KATNB1: variants seen among roughly 807,000 people sequenced by gnomAD.
KATNB1 encodes the protein katanin p80 WD40 repeat-containing subunit B1.
Under a neutral mutation model 82.3 loss-of-function variants are expected in KATNB1, and 38 were observed. The ratio of observed to expected loss-of-function variants is 0.46; its 90% CI spans 0.36 to 0.61. KATNB1 has a LOEUF of 0.61. Ranked by LOEUF, KATNB1 falls within the 20% of genes least tolerant of loss-of-function variation. The probability of loss-of-function intolerance (pLI) is 0.00; values close to 1 mark genes in which losing one functional copy is unlikely to be tolerated. For synonymous variants in KATNB1, 361 were observed against 368.7 expected (o/e 0.98, Z 0.24); for missense variants, 749 against 915.7 (o/e 0.82, Z 2.35).
chr16:57,751,874 G>T lies in KATNB1; in HGVS notation c.517-66G>T. 3 of 1,440,328 alleles carry T rather than the reference G, an allele frequency of 2.1e-6. No individual in the cohort carries two copies. The South Asian group carries it at 3.5e-5, about 17-fold the overall frequency. The allele number at this position is 1,440,328 out of a possible 1,614,324, so 89.2% of individuals were successfully genotyped here. A position where few individuals can be genotyped will look rare whatever the true frequency, so the allele number is the denominator to read the frequency against. ...GCTTGTGGATAAAGAGCTTGGCCTGGATTAGAGGGAGGGTGGGCAGCCAAG... is the reference window on the plus strand; with the variant it reads ...GCTTGTGGATAAAGAGCTTGGCCTGTATTAGAGGGAGGGTGGGCAGCCAAG... On this transcript the variant is annotated intron_variant, in intron 7 of 19. Coordinates refer to ENST00000379661, the MANE Select transcript of KATNB1 (RefSeq NM_005886.3). The surrounding 1 kb of genome is among the most constrained non-coding windows in gnomAD (Gnocchi z 6.3).
chr16:57,756,252 G>A (rs2049277283), intron 18 of KATNB1, 104 bp from the exon 19 acceptor site: 3 of 1,140,906 alleles, frequency 2.6e-6, no homozygotes, highest in Admixed American at 1.7e-5. Flanking sequence ...ATGTGTGGGT[G>A]TGTCTGTGTC....
chr16:57,742,701 C>T (rs2049151763), intron 3 of KATNB1, among the ~76,000 whole-genome samples: 1 of 152,218 alleles, frequency 6.6e-6, no homozygotes, highest in Admixed American at 6.5e-5. Context: ...CCGTAATTAG[C>T]TTAGCCACAC....
At position 57,756,902 on chromosome 16, in the gene KATNB1, A is replaced by G; in HGVS notation, c.1924A>G (p.Ser642Gly). The G allele has an allele frequency of 6.4e-7, 1 of 1,552,620 alleles. No homozygotes were observed. The highest frequency in any genetic ancestry group is 2.4e-5 in the East Asian group (1 of 41,156). The part of the protein sequence containing the change: ...SKSGLSGRHG[S>G]TFRELHLLMA... Reference sequence around the variant, plus strand: ...GTCAGGCCTGAGCGGCCGCCATGGCAGTACCTTCCGCGAGCTGCACCTGCT... The same window carrying G: ...GTCAGGCCTGAGCGGCCGCCATGGCGGTACCTTCCGCGAGCTGCACCTGCT... Residue 642 changes from serine to glycine, a missense_variant, in exon 20 of 20, where the codon AGT becomes GGT. Around this residue, in one of 3 missense-constraint regions of KATNB1, gnomAD observed 95 missense variants for 131.6 expected, o/e 0.72. Coordinates refer to ENST00000379661, the MANE Select transcript of KATNB1 (RefSeq NM_005886.3).
At chr16:57,741,968 G>A (rs568122850) in intron 3 of KATNB1, 151 bp downstream of exon 3, 30 of 908,208 alleles carry the variant, frequency 3.3e-5, no homozygotes, top group Admixed American at 8.6e-5. Context: ...TGGAGGGGGC[G>A]TGGTGGGGAC....
At chr16:57,738,865 TG>T (rs1396645322) in intron 2 of KATNB1, among the ~76,000 whole-genome samples, 1 of 148,792 alleles carries the variant, frequency 6.7e-6, no homozygotes, top group Non-Finnish European at 1.5e-5. Flanking sequence ...GCTCAGAGCC[TG>T]GGGAGAGCAA....
At position 57,751,517 on chromosome 16, in the gene KATNB1, C is replaced by T; in HGVS notation, c.433-124C>T. The T allele has an allele frequency of 1.9e-6, 2 of 1,048,250 alleles. No individual in the cohort carries two copies. The highest frequency in any genetic ancestry group is 2.9e-6 in the Non-Finnish European group (2 of 686,000). The allele number at this position is 1,048,250 out of a possible 1,614,324, so 64.9% of individuals were successfully genotyped here. ...CTAGAGCCACGTTCATCAAACTGCT[C>T]CAAGCAGAACCAGGCGGGTAACCAG... is the stretch of plus-strand genomic sequence containing the variant. On this transcript the variant is annotated intron_variant, in intron 6 of 19. Transcript: ENST00000379661. This position sits in a 1 kb window ranked among gnomAD's most constrained non-coding sequence, Gnocchi z 6.3.
Position 57,753,377 on chromosome 16 carries a change from T to C in KATNB1, c.1047-12T>C, listed in dbSNP as rs782221901. 5.0e-6 allele frequency: 8 copies of C among 1,608,138 alleles called. No individual in the cohort carries two copies. Among genetic ancestry groups the C allele is most frequent in the East Asian group, 4.5e-5 (2 of 44,708 alleles). ...GCACCTGCTTCCGTTGGGCTTGGCC[T>C]CACGCTCCCAGGGTGAAGCAGAACT... On this transcript the variant is annotated splice_polypyrimidine_tract_variant and intron_variant, in intron 11 of 19. Transcript: ENST00000379661.
In KATNB1 at chr16:57,750,867, C is replaced by A; in HGVS notation, c.330C>A (p.Ser110Arg). ...TLMGHKANICSLDFHPYGEFV... is the reference protein window; with the variant it reads ...TLMGHKANICRLDFHPYGEFV... ...TGGGACACAAAGCCAACATCTGCAG[C>A]CTGGATTTCCACCCGTACGGCGAGT... Residue 110 changes from serine (S) to arginine (R), a missense_variant, in exon 5 of 20, where the codon AGC (serine) becomes AGA (arginine). By Grantham distance (110) the Ser-to-Arg change is moderately radical (BLOSUM62 -1). Transcript: ENST00000379661. The A allele has an allele frequency of 6.2e-7, 1 of 1,614,186 alleles. No individual in the cohort carries two copies. The highest frequency in any genetic ancestry group is 8.5e-7 in the Non-Finnish European group (1 of 1,180,036).
rs782078975 is a variant in KATNB1 at position 57,752,021 on chromosome 16, A to T, written c.598A>T (p.Asn200Tyr). The T allele has an allele frequency of 1.2e-6, 2 of 1,612,986 alleles. No individual in the cohort carries two copies. Among genetic ancestry groups the T allele is most frequent in the Non-Finnish European group, 1.7e-6 (2 of 1,179,934 alleles). ...TGTCAACGTGGTCGAGTTTCACCCC[A>T]ACGAGTACCTCCTGGCCTCCGGCAG... The part of the protein sequence containing the change: ...GPVNVVEFHP[N>Y]EYLLASGSSD... Residue 200 changes from asparagine to tyrosine, a missense_variant, in exon 8 of 20, where the codon AAC (asparagine) becomes TAC (tyrosine). By Grantham distance (143) the Asn-to-Tyr change is moderately radical. This residue lies in a region of KATNB1 where 247 missense variants were observed against 349.4 expected (regional missense o/e 0.71). Transcript: ENST00000379661.
chr16:57,737,412 T>C lies in KATNB1; in HGVS notation c.40+129T>C, dbSNP rs577563835. The stretch of plus-strand genomic sequence containing the variant: ...GAGACTCCTAGACTTGGGAGTAAGA[T>C]AGACCATTATGTAAATCATGACTGT... On this transcript the variant is annotated intron_variant, in intron 2 of 19. Transcript: ENST00000379661. 18 of 996,808 alleles carry C rather than the reference T, an allele frequency of 1.8e-5. 1 individual carries two copies. Among genetic ancestry groups the C allele is most frequent in the South Asian group, 1.6e-4 (11 of 69,840 alleles). 61.7% of individuals were successfully genotyped at this position (996,808 alleles called of 1,614,324 possible).
At position 57,752,565 on chromosome 16, in the gene KATNB1, T is replaced by C; in HGVS notation, c.668T>C (p.Val223Ala). ...IRFWDLEKFQ[V>A]VSCIEGEPGP... Reference sequence around the variant, plus strand: ...TTCTGGGACCTGGAGAAGTTCCAGGTGGTGAGCTGCATCGAAGGGGAGCCT... The same window carrying C: ...TTCTGGGACCTGGAGAAGTTCCAGGCGGTGAGCTGCATCGAAGGGGAGCCT... The change falls in exon 9 of 20, where the codon GTG becomes GCG. Residue 223 changes from valine to alanine, a missense_variant. Val to Ala is a moderately conservative substitution (Grantham distance 64, BLOSUM62 0). Around this residue, in one of 3 missense-constraint regions of KATNB1, gnomAD observed 247 missense variants for 349.4 expected, o/e 0.71. Coordinates refer to ENST00000379661, the MANE Select transcript of KATNB1 (RefSeq NM_005886.3). 2 of 1,570,232 alleles carry C rather than the reference T, an allele frequency of 1.3e-6. No individual in the cohort carries two copies. The highest frequency in any genetic ancestry group is 1.7e-6 in the Non-Finnish European group (2 of 1,157,690).
intron 2 of KATNB1, among the ~76,000 whole-genome samples, chr16:57,739,677 C>T (rs2049128455): frequency 6.6e-6 from 1 of 152,112 alleles, no homozygotes; most frequent in Non-Finnish European, 1.5e-5. Flanking sequence ...TCCAGTCAGT[C>T]CCTGGTCAGG....
At chr16:57,753,333 C>T in intron 11 of KATNB1, 56 bp from the exon 12 acceptor site, 1 of 1,582,970 alleles carries the variant, frequency 6.3e-7, no homozygotes. Flanking sequence ...CTCGGAGTTC[C>T]AGCCCTGGGC....
chr16:57,756,956 TGG>T lies in KATNB1; in HGVS notation c.*12_*13del, dbSNP rs1486442869. ...GGCCAGTCTGGACTGAGGAAAGCAG[TGG>T]GCAGGGGCGCTCGGCAGCCCACAGG... On this transcript the variant is annotated 3_prime_UTR_variant, in exon 20 of 20. Coordinates refer to ENST00000379661, the MANE Select transcript of KATNB1 (RefSeq NM_005886.3). The T allele has an allele frequency of 6.6e-7, 1 of 1,509,600 alleles. No homozygotes were observed. The highest frequency in any genetic ancestry group is 2.5e-5 in the East Asian group (1 of 39,810). The allele number at this position is 1,509,600 out of a possible 1,614,324, so 93.5% of individuals were successfully genotyped here.
At chr16:57,755,807 C>T in intron 16 of KATNB1, 34 bp from the exon 17 acceptor site, 1 of 1,555,434 alleles carries the variant, frequency 6.4e-7, no homozygotes, top group African/African-American at 1.4e-5. Flanking sequence ...CTGTCCCCCA[C>T]TGCCCCACCC....
chr16:57,756,622 G>T, intron 19 of KATNB1, 150 bp downstream of exon 19: 1 of 1,183,314 alleles, frequency 8.5e-7, no homozygotes, highest in Non-Finnish European at 1.2e-6. Flanking sequence ...GTGTGGGTGG[G>T]CTTAGCCAGA....
At chr16:57,743,848 G>A (rs1281317984) in intron 3 of KATNB1, among the ~76,000 whole-genome samples, 2 of 152,240 alleles carry the variant, frequency 1.3e-5, no homozygotes, top group East Asian at 1.9e-4. Context: ...AGGATCCACA[G>A]TGAAAAGTCT....
chr16:57,750,769 C>T, intron 4 of KATNB1, 58 bp from the exon 5 acceptor site: 1 of 1,350,362 alleles, frequency 7.4e-7, no homozygotes, highest in East Asian at 2.3e-5. Context: ...AGCAGCCCTT[C>T]CTCTGCCAGC....
Position 57,757,053 on chromosome 16 carries a change from T to A in KATNB1, c.*107T>A. 1 of 1,279,974 alleles carries A rather than the reference T, an allele frequency of 7.8e-7. No individual in the cohort carries two copies. Among genetic ancestry groups the A allele is most frequent in the Non-Finnish European group, 1.0e-6 (1 of 983,480 alleles). The allele number at this position is 1,279,974 out of a possible 1,614,324, so 79.3% of individuals were successfully genotyped here. A position where few individuals can be genotyped will look rare whatever the true frequency, so the allele number is the denominator to read the frequency against. On this transcript the variant is annotated 3_prime_UTR_variant, in exon 20 of 20. Transcript: ENST00000379661. ...CCATGAGCCTCTGCCTGGCCCCTGC[T>A]GCTGTCCTGTGGCCGTCCTGGAGGA... is the stretch of plus-strand genomic sequence containing the variant.
Sources: allele counts gnomAD v4.1 joint callset (sites outside exome capture counted in the v4.1 genomes callset), GRCh38; gene constraint gnomAD v4.1.1; regional missense constraint gnomAD v4.1.1; non-coding constraint Gnocchi (gnomAD v3.1); transcripts MANE v1.5; gene names NCBI Gene and HGNC (gene_info 2026-07-23, HGNC 2026-07-21).